PDGFRL: variants seen among roughly 807,000 people sequenced by gnomAD.
PDGFRL encodes platelet derived growth factor receptor like, also known as platelet-derived growth factor receptor-like protein.
PDGFRL carries 46 observed loss-of-function variants against 37.2 expected under a neutral mutation model. That is an observed-to-expected ratio of 1.24 (90% CI 0.98 to 1.58). The LOEUF (loss-of-function observed/expected upper bound fraction) is 1.58, where lower values mean the gene tolerates loss of function less well. PDGFRL is among the 40% of genes most tolerant of loss of function. The pLI, the probability that PDGFRL is intolerant of heterozygous loss-of-function variation, is 0.00. For missense variants in PDGFRL, 692 were observed against 467.6 expected (o/e 1.48, Z -4.43); for synonymous variants, 251 against 184.3 (o/e 1.36, Z -2.93).
intron 1 of PDGFRL, among the ~76,000 whole-genome samples, chr8:17,582,929 T>G (rs1585296186): frequency 6.6e-6 from 1 of 152,132 alleles, no homozygotes; most frequent in African/African-American, 2.4e-5. Flanking sequence ...CTCGGGATGC[T>G]ACTGCCCCTA....
chr8:17,642,508 T>C (rs749537127), intron 5 of PDGFRL, 105 bp from the exon 6 acceptor site: 1 of 709,232 alleles, frequency 1.4e-6, no homozygotes, highest in Non-Finnish European at 2.5e-6. Flanking sequence ...TTTATAAGCA[T>C]GTGCTTTGCT....
intron 2 of PDGFRL, among the ~76,000 whole-genome samples, chr8:17,598,949 G>C (rs1048126642): frequency 2.6e-5 from 4 of 152,162 alleles, no homozygotes; most frequent in African/African-American, 9.7e-5. Context: ...CAGCCACGTG[G>C]AACTGTGAAT....
intron 2 of PDGFRL, among the ~76,000 whole-genome samples, chr8:17,618,071 T>G (rs1003927607): frequency 3.9e-5 from 6 of 152,144 alleles, no homozygotes; most frequent in Admixed American, 3.3e-4. Flanking sequence ...TATTTTTTAT[T>G]TTTTAAGTCA....
At chr8:17,635,693 A>G (rs908592355) in intron 5 of PDGFRL, among the ~76,000 whole-genome samples, 12 of 152,160 alleles carry the variant, frequency 7.9e-5, no homozygotes, top group Non-Finnish European at 1.6e-4. Flanking sequence ...TCTTTAAGGA[A>G]TCTCCACAGT....
At chr8:17,630,620 G>A (rs886278045) in intron 4 of PDGFRL, among the ~76,000 whole-genome samples, 2 of 152,184 alleles carry the variant, frequency 1.3e-5, no homozygotes, top group African/African-American at 4.8e-5. Flanking sequence ...GGAGGCCACA[G>A]TTCCCTCCGC....
intron 5 of PDGFRL, among the ~76,000 whole-genome samples, chr8:17,640,613 G>A (rs1308902879): frequency 1.3e-5 from 2 of 152,132 alleles, no homozygotes; most frequent in African/African-American, 2.4e-5. Flanking sequence ...TGCCTGTACA[G>A]AGTCCTTTGA....
chr8:17,620,679 A>C (rs867103105), intron 2 of PDGFRL, among the ~76,000 whole-genome samples: 31 of 152,334 alleles, frequency 2.0e-4, no homozygotes, highest in African/African-American at 7.5e-4. Flanking sequence ...ATATGAAAAC[A>C]GTAGTAAAAT....
In PDGFRL at chr8:17,621,128, G is replaced by C; in HGVS notation, c.431G>C (p.Trp144Ser). The C allele has an allele frequency of 1.2e-6, 2 of 1,610,424 alleles. No homozygotes were observed. Among genetic ancestry groups the C allele is most frequent in the Non-Finnish European group, 1.7e-6 (2 of 1,177,068 alleles). The change falls in exon 3 of 6, where the codon TGG becomes TCG. Residue 144 changes from tryptophan to serine, a missense_variant. Transcript: ENST00000251630. ...TSADTGEFSC[W>S]VQLCSGYICR... ...GCAGACACAGGTGAATTCAGCTGCT[G>C]GGTGCAGCTCTGCAGCGGCTACATC...
At chr8:17,594,818 G>A (rs2150816765) in intron 2 of PDGFRL, among the ~76,000 whole-genome samples, 1 of 152,326 alleles carries the variant, frequency 6.6e-6, no homozygotes, top group Admixed American at 6.5e-5. Context: ...TGGGATTACA[G>A]GCGTGAGCCA....
chr8:17,613,397 A>T (rs563771966), intron 2 of PDGFRL, among the ~76,000 whole-genome samples: 1 of 152,052 alleles, frequency 6.6e-6, no homozygotes, highest in South Asian at 2.1e-4. Context: ...AAGAATGATG[A>T]CCCCAGCAGG....
In PDGFRL at chr8:17,621,073, G is replaced by A. The variant is rs199801810; in HGVS notation, c.376G>A (p.Gly126Ser). ...TAGCGTCAAGCAGAATGAGCGCTAC[G>A]GCCAGTTGACTCTGGTCAACTCCAC... The part of the protein sequence containing the change: ...RLSVKQNERY[G>S]QLTLVNSTSA... Residue 126 changes from glycine (G) to serine (S), a missense_variant, in exon 3 of 6, where the codon GGC becomes AGC. Transcript: ENST00000251630. The A allele has an allele frequency of 1.0e-4, 168 of 1,608,886 alleles. No individual in the cohort carries two copies. The highest frequency in any genetic ancestry group is 3.3e-4 in the Middle Eastern group (2 of 5,998).
chr8:17,632,410 G>A (rs932595897), intron 4 of PDGFRL, among the ~76,000 whole-genome samples: 2 of 150,662 alleles, frequency 1.3e-5, no homozygotes, highest in South Asian at 2.1e-4. Flanking sequence ...GTGTGATCTC[G>A]GCTCACTGCA....
At chr8:17,635,945 T>C (rs949982799) in intron 5 of PDGFRL, among the ~76,000 whole-genome samples, 8 of 152,246 alleles carry the variant, frequency 5.3e-5, no homozygotes, top group Non-Finnish European at 4.4e-5. Context: ...ATTCATGTCC[T>C]AAGCCCAATT....
intron 1 of PDGFRL, among the ~76,000 whole-genome samples, chr8:17,577,754 C>A (rs752752771): frequency 4.6e-5 from 7 of 151,486 alleles, no homozygotes; most frequent in Non-Finnish European, 8.8e-5. Flanking sequence ...TGCAGAGTTC[C>A]AGGTGACCTC....
chr8:17,631,937 C>T (rs1804869524), intron 4 of PDGFRL, among the ~76,000 whole-genome samples: 1 of 152,198 alleles, frequency 6.6e-6, no homozygotes, highest in Admixed American at 6.5e-5. Context: ...TGGTAACTCC[C>T]AAGTGAACGG....
intron 2 of PDGFRL, among the ~76,000 whole-genome samples, chr8:17,612,649 A>G (rs534453466): frequency 4.1e-4 from 63 of 152,256 alleles, no homozygotes; most frequent in African/African-American, 1.4e-3. Flanking sequence ...GGGATTACAG[A>G]TGTGAGCCAC....
intron 5 of PDGFRL, among the ~76,000 whole-genome samples, chr8:17,641,051 G>C (rs1242721340): frequency 6.6e-6 from 1 of 152,042 alleles, no homozygotes; most frequent in African/African-American, 2.4e-5. Context: ...CCAGGGAAGT[G>C]GGGGAAAGCC....
At chr8:17,623,769 G>A (rs1169133072) in intron 3 of PDGFRL, among the ~76,000 whole-genome samples, 1 of 151,754 alleles carries the variant, frequency 6.6e-6, no homozygotes, top group Non-Finnish European at 1.5e-5. Flanking sequence ...AGCTGCTCAG[G>A]AGGCTGAAGC....
Position 17,621,660 on chromosome 8 carries a change from A to AT in PDGFRL, c.505+459dup, listed in dbSNP as rs557054750. ...AGTGCTCAACTGTAGCATGTGGCTA[A>AT]TGGCTATTGTACTAGACAGCACAGA... is the stretch of plus-strand genomic sequence containing the variant. On this transcript the variant is annotated intron_variant, in intron 3 of 5. Transcript: ENST00000251630. 2.7e-3 allele frequency among the ~76,000 whole-genome samples: 411 copies of AT among 152,290 alleles called. 1 individual carries two copies. The highest frequency in any genetic ancestry group is 4.7e-3 in the Admixed American group (72 of 15,302).
Sources: gnomAD v4.1 joint callset for allele counts (sites outside exome capture counted in the v4.1 genomes callset) on GRCh38, gnomAD v4.1.1 for gene constraint, MANE v1.5 for transcripts, NCBI Gene and HGNC (gene_info 2026-07-23, HGNC 2026-07-21) for gene names.